The following DENR variants were observed in gnomAD, a reference collection of about 807,000 sequenced individuals.
DENR encodes density-regulated protein.
In DENR, 6 loss-of-function variants were observed where a neutral mutation model predicts 30.6. The ratio of observed to expected loss-of-function variants is 0.20; its 90% CI spans 0.11 to 0.39. The LOEUF (loss-of-function observed/expected upper bound fraction) is 0.39, where lower values mean the gene tolerates loss of function less well. Ranked by LOEUF, DENR falls within the 10% of genes least tolerant of loss-of-function variation. The pLI is 1.00. For missense variants in DENR, 141 were observed against 230.9 expected (o/e 0.61, Z 2.52); for synonymous variants, 78 against 72.1 (o/e 1.08, Z -0.41).
intron 4 of DENR, among the ~76,000 whole-genome samples, chr12:122,763,919 T>A (rs1159977980): frequency 6.6e-6 from 1 of 151,942 alleles, no homozygotes; most frequent in Non-Finnish European, 1.5e-5. Flanking sequence ...GAGATAAGAA[T>A]TGGTGGGAAG....
At chr12:122,761,993 G>A (rs1878712813) in intron 2 of DENR, among the ~76,000 whole-genome samples, 194 bp from the exon 3 acceptor site, 2 of 152,184 alleles carry the variant, frequency 1.3e-5, no homozygotes, top group South Asian at 4.1e-4. Flanking sequence ...AGTCAAGATA[G>A]TATCATCTCA....
At chr12:122,766,876 A>C (rs1878865069) in intron 5 of DENR, among the ~76,000 whole-genome samples, 1 of 152,162 alleles carries the variant, frequency 6.6e-6, no homozygotes, top group Non-Finnish European at 1.5e-5. Flanking sequence ...TCACAGATCC[A>C]CCGAAACACA....
Position 122,769,331 on chromosome 12 carries a change from T to C in DENR, c.*253T>C. ...ACACATATGTATACATATATATATATTCTACAGTAAAACTGTAGACTGTCC... is the reference window on the plus strand; with the variant it reads ...ACACATATGTATACATATATATATACTCTACAGTAAAACTGTAGACTGTCC... On this transcript the variant is annotated 3_prime_UTR_variant, in exon 8 of 8. Transcript: ENST00000280557. 1.0e-6 allele frequency: 1 copy of C among 972,358 alleles called. No individual in the cohort carries two copies. Among genetic ancestry groups the C allele is most frequent in the Non-Finnish European group, 1.2e-6 (1 of 814,982 alleles). 60.2% of individuals were successfully genotyped at this position (972,358 alleles called of 1,614,324 possible).
chr12:122,754,196 A>T (rs970231429), intron 2 of DENR: 1 of 236,380 alleles, frequency 4.2e-6, no homozygotes, highest in African/African-American at 2.2e-5. Flanking sequence ...TGTAAGAAAA[A>T]GCTTGATGGC....
rs117742602 is a variant in DENR at position 122,754,512 on chromosome 12, A to G, written c.106+705A>G. Among the ~76,000 whole-genome samples the G allele has an allele frequency of 6.7e-3, 1,027 of 152,310 alleles. 5 individuals carry two copies. The highest frequency in any genetic ancestry group is 0.011 in the Non-Finnish European group (741 of 68,034). ...TAAAAGGGCAAGTAAATATTTTTTCAGTAAATATTTCTCAGAACTTACTGT... is the reference window on the plus strand; with the variant it reads ...TAAAAGGGCAAGTAAATATTTTTTCGGTAAATATTTCTCAGAACTTACTGT... On this transcript the variant is annotated intron_variant, in intron 2 of 7. Coordinates refer to ENST00000280557, the MANE Select transcript of DENR (RefSeq NM_003677.5).
Position 122,769,554 on chromosome 12 carries a change from T to C in DENR, c.*476T>C. ...CAGAGTCTCGCACTGTTGCCTGGGCTGGAATGCAGTGGTGCGATCTCGGCT... is the reference window on the plus strand; with the variant it reads ...CAGAGTCTCGCACTGTTGCCTGGGCCGGAATGCAGTGGTGCGATCTCGGCT... On this transcript the variant is annotated 3_prime_UTR_variant, in exon 8 of 8. Coordinates refer to ENST00000280557, the MANE Select transcript of DENR (RefSeq NM_003677.5). The C allele has an allele frequency of 2.3e-6, 2 of 860,012 alleles. No individual in the cohort carries two copies. Among genetic ancestry groups the C allele is most frequent in the South Asian group, 3.9e-5 (1 of 25,900 alleles). The allele number at this position is 860,012 out of a possible 1,614,324, so 53.3% of individuals were successfully genotyped here.
At chr12:122,761,666 G>T (rs1878705196) in intron 2 of DENR, among the ~76,000 whole-genome samples, 1 of 152,072 alleles carries the variant, frequency 6.6e-6, no homozygotes, top group Admixed American at 6.6e-5. Context: ...CAAAAAATTA[G>T]CTGGGCATGG....
At chr12:122,765,840 G>A (rs1416055863) in intron 5 of DENR, among the ~76,000 whole-genome samples, 1 of 152,028 alleles carries the variant, frequency 6.6e-6, no homozygotes, top group African/African-American at 2.4e-5. Context: ...TATTTAAGTA[G>A]AGTGAGGACA....
At chr12:122,755,691 A>G (rs193011018) in intron 2 of DENR, among the ~76,000 whole-genome samples, 17 of 152,208 alleles carry the variant, frequency 1.1e-4, no homozygotes, top group African/African-American at 4.1e-4. Flanking sequence ...CTGTGAAACA[A>G]CTCTTTAAAT....
chr12:122,753,426 C>G (rs942023289), intron 1 of DENR, among the ~76,000 whole-genome samples: 1 of 152,178 alleles, frequency 6.6e-6, no homozygotes, highest in Non-Finnish European at 1.5e-5. Flanking sequence ...TCTTTCCTTC[C>G]CCATTGCTTC....
rs1240744117 is a variant in DENR at position 122,753,746 on chromosome 12, A to C, written c.45A>C (p.Gly15=). 1 of 1,613,940 alleles carries C rather than the reference A, an allele frequency of 6.2e-7. No individual in the cohort carries two copies. The change falls in exon 2 of 8, where the codon GGA becomes GGC. Residue 15 remains glycine (G), a synonymous_variant. Coordinates refer to ENST00000280557, the MANE Select transcript of DENR (RefSeq NM_003677.5). ...ISESSGADCK[G]DPRNSAKLDA... is the part of the protein sequence containing the mutation. ...AATCCAGCGGGGCTGACTGCAAAGGAGACCCAAGGAACAGTGCCAAGTTAG... is the reference window on the plus strand; with the variant it reads ...AATCCAGCGGGGCTGACTGCAAAGGCGACCCAAGGAACAGTGCCAAGTTAG...
chr12:122,762,219 AT>A lies in DENR; in HGVS notation c.126+24del, dbSNP rs767961717. ...ATTACCAACAGAGGTAAGTTCTTTA[AT>A]TTTTTTTTTTACCTTATGTATTTGA... On this transcript the variant is annotated intron_variant, in intron 3 of 7. Coordinates refer to ENST00000280557, the MANE Select transcript of DENR (RefSeq NM_003677.5). 13,700 of 1,112,926 alleles carry A rather than the reference AT, an allele frequency of 0.012. No individual in the cohort carries two copies. Among genetic ancestry groups the A allele is most frequent in the South Asian group, 0.02 (1,060 of 54,000 alleles). 68.9% of individuals were successfully genotyped at this position (1,112,926 alleles called of 1,614,324 possible).
At position 122,765,443 on chromosome 12, in the gene DENR, A is replaced by G. The variant is rs375001579; in HGVS notation, c.295+56A>G. 2.5e-5 allele frequency: 36 copies of G among 1,433,584 alleles called. 1 individual carries two copies. In the South Asian group the frequency reaches 3.3e-4, roughly 13 times the overall value. 88.8% of individuals were successfully genotyped at this position (1,433,584 alleles called of 1,614,324 possible). A position where few individuals can be genotyped will look rare whatever the true frequency, so the allele number is the denominator to read the frequency against. ...CAGTCATACCGTCACTGCGATAGAA[A>G]ATGTAAGTAATTAAAATGGTTCCCA... On this transcript the variant is annotated intron_variant, in intron 5 of 7. Coordinates refer to ENST00000280557, the MANE Select transcript of DENR (RefSeq NM_003677.5).
chr12:122,760,114 A>T (rs1016504442), intron 2 of DENR, among the ~76,000 whole-genome samples: 1 of 152,168 alleles, frequency 6.6e-6, no homozygotes, highest in African/African-American at 2.4e-5. Context: ...GGTGCCACTA[A>T]GTTGCTTGTT....
Position 122,762,178 on chromosome 12 carries a change from C to T in DENR, c.107-9C>T, listed in dbSNP as rs1321071938. 5 of 1,418,110 alleles carry T rather than the reference C, an allele frequency of 3.5e-6. No homozygotes were observed. Among genetic ancestry groups the T allele is most frequent in the Non-Finnish European group, 4.8e-6 (5 of 1,043,330 alleles). The allele number at this position is 1,418,110 out of a possible 1,614,324, so 87.8% of individuals were successfully genotyped here. The stretch of plus-strand genomic sequence containing the variant: ...ACATTTCAAATCTTTTTTCTTTTTA[C>T]TTCCTCAGTCTGTTCATTACCAACA... On this transcript the variant is annotated splice_polypyrimidine_tract_variant and intron_variant, in intron 2 of 7. Transcript: ENST00000280557.
chr12:122,760,559 G>A (rs1025004685), intron 2 of DENR, among the ~76,000 whole-genome samples: 2 of 151,190 alleles, frequency 1.3e-5, no homozygotes, highest in African/African-American at 4.9e-5. Flanking sequence ...GTGAAACCCC[G>A]TCTTTACTAA....
Position 122,762,199 on chromosome 12 carries a change from C to T in DENR, c.119C>T (p.Pro40Leu). The part of the protein sequence containing the change: ...RVLYCGVCSL[P>L]TEYCEYMPDV... ...TTTACTTCCTCAGTCTGTTCATTAC[C>T]AACAGAGGTAAGTTCTTTAATTTTT... is the stretch of plus-strand genomic sequence containing the variant. The change falls in exon 3 of 8, where the codon CCA becomes CTA. Residue 40 changes from proline to leucine, a missense_variant. Pro to Leu is a moderately conservative substitution (Grantham distance 98). Coordinates refer to ENST00000280557, the MANE Select transcript of DENR (RefSeq NM_003677.5). 1 of 1,432,250 alleles carries T rather than the reference C, an allele frequency of 7.0e-7. No homozygotes were observed. The highest frequency in any genetic ancestry group is 1.3e-5 in the South Asian group (1 of 76,214). 88.7% of individuals were successfully genotyped at this position (1,432,250 alleles called of 1,614,324 possible).
intron 2 of DENR, among the ~76,000 whole-genome samples, chr12:122,761,022 A>T (rs112476248): frequency 1.3e-5 from 2 of 152,094 alleles, no homozygotes; most frequent in Non-Finnish European, 2.9e-5. Context: ...CTGAAGCGGG[A>T]GGATTACTTG....
rs1380295115 is a variant in DENR at position 122,769,244 on chromosome 12, A to ATG, written c.*168_*169dup. ...TATATATACATGTGTGTATGTATAC[A>ATG]TGTATATATATATACATACACATAT... On this transcript the variant is annotated 3_prime_UTR_variant, in exon 8 of 8. Transcript: ENST00000280557. 54 of 650,628 alleles carry ATG rather than the reference A, an allele frequency of 8.3e-5. 2 individuals carry two copies. The South Asian group carries it at 2.7e-3, about 33-fold the overall frequency. 40.3% of individuals were successfully genotyped at this position (650,628 alleles called of 1,614,324 possible).
Sources: allele counts gnomAD v4.1 joint callset (sites outside exome capture counted in the v4.1 genomes callset), GRCh38; gene constraint gnomAD v4.1.1; transcripts MANE v1.5; gene names NCBI Gene and HGNC (gene_info 2026-07-23, HGNC 2026-07-21).